Variants in PDE11A observed in about 807,000 individuals in gnomAD.
PDE11A encodes phosphodiesterase 11A.
In PDE11A, 100 loss-of-function variants were observed where a neutral mutation model predicts 100.5. The ratio of observed to expected loss-of-function variants is 1.00; its 90% CI spans 0.85 to 1.18. The LOEUF is 1.18. Among genes scored for constraint, PDE11A ranks in the 50% most tolerant of loss-of-function variants. PDE11A has a pLI of 0.00. For synonymous variants in PDE11A, 381 were observed against 420.8 expected, an observed-to-expected ratio of 0.91 and a Z score of 1.16; for missense variants, 1,141 against 1,152.6, an observed-to-expected ratio of 0.99 and a Z score of 0.15.
At chr2:177,936,420 AG>A (rs2085272612) in intron 2 of PDE11A, among the ~76,000 whole-genome samples, 1 of 152,198 alleles carries the variant, frequency 6.6e-6, no homozygotes, top group Non-Finnish European at 1.5e-5. Flanking sequence ...TTTGGAACCA[AG>A]GCCAGAAAGC....
intron 2 of PDE11A, among the ~76,000 whole-genome samples, chr2:177,914,476 G>A (rs1397861936): frequency 2.0e-5 from 3 of 152,108 alleles, no homozygotes; most frequent in African/African-American, 7.2e-5. Context: ...TTTATAAGCA[G>A]GTTGACCTAC....
intron 10 of PDE11A, among the ~76,000 whole-genome samples, chr2:177,738,517 C>G (rs2081826410): frequency 6.6e-6 from 1 of 152,206 alleles, no homozygotes; most frequent in Admixed American, 6.5e-5. Flanking sequence ...CCAGCATGAT[C>G]TTTCTGGCTC....
intron 1 of PDE11A, among the ~76,000 whole-genome samples, chr2:178,049,540 A>C (rs765584425): frequency 3.9e-5 from 6 of 152,198 alleles, no homozygotes; most frequent in Non-Finnish European, 5.9e-5. Flanking sequence ...CATGAGCCGA[A>C]GCAGGGCAAG....
chr2:178,059,831 C>T (rs2086944580), intron 1 of PDE11A, among the ~76,000 whole-genome samples: 1 of 152,138 alleles, frequency 6.6e-6, no homozygotes, highest in African/African-American at 2.4e-5. Context: ...AAATCATGAC[C>T]TGCTGGAGAG....
chr2:177,943,675 A>G (rs1324606992), intron 2 of PDE11A, among the ~76,000 whole-genome samples: 2 of 152,080 alleles, frequency 1.3e-5, no homozygotes, highest in African/African-American at 2.4e-5. Flanking sequence ...TCTGTTCTAT[A>G]TGTTGCCTTT....
At chr2:178,103,786 T>A (rs188090114) in intron 2 of PDE11A, among the ~76,000 whole-genome samples, 17 of 152,160 alleles carry the variant, frequency 1.1e-4, no homozygotes, top group Admixed American at 2.0e-4. Context: ...GATGTACACA[T>A]ATAAATCTCC....
At chr2:177,720,244 G>C (rs1441012029) in intron 12 of PDE11A, among the ~76,000 whole-genome samples, 1 of 152,170 alleles carries the variant, frequency 6.6e-6, no homozygotes, top group Non-Finnish European at 1.5e-5. Context: ...ATATTGAGCA[G>C]AGGACTATCT....
rs2082833221 is a variant in PDE11A, at chr2:177,804,190, A to G, written c.1737+12639T>C. On this transcript the variant is annotated intron_variant, in intron 9 of 19. Coordinates refer to ENST00000286063, the MANE Select transcript of PDE11A (RefSeq NM_016953.4). ...CAAACAACCCACAGAATGGGCAAAA[A>G]GTTTCCAAATTATGCATCTGACAAA... Among the ~76,000 whole-genome samples the G allele has an allele frequency of 2.6e-5, 4 of 152,036 alleles. No individual in the cohort carries two copies. In the South Asian group the frequency reaches 8.3e-4, roughly 31 times the overall value.
At chr2:177,859,980 C>A (rs1334854523) in intron 5 of PDE11A, among the ~76,000 whole-genome samples, 1 of 151,710 alleles carries the variant, frequency 6.6e-6, no homozygotes, top group East Asian at 1.9e-4. Context: ...AAATGTATGG[C>A]TATAAATGCT....
rs754548452 is a variant in PDE11A, at chr2:177,627,103, G to T, written c.*2304C>A. ...GGCTGGAGGGCAGTGACGTGATCTC[G>T]ACTCACTGCAAGCTCCGCCTCGCGG... On this transcript the variant is annotated 3_prime_UTR_variant, in exon 20 of 20. Coordinates refer to ENST00000286063, the MANE Select transcript of PDE11A (RefSeq NM_016953.4). The T allele has an allele frequency of 8.3e-6, 1 of 120,994 alleles. No individual in the cohort carries two copies. The highest frequency in any genetic ancestry group is 1.6e-5 in the Non-Finnish European group (1 of 62,814). The allele number at this position is 120,994 out of a possible 1,614,324, so 7.5% of individuals were successfully genotyped here. A position where few individuals can be genotyped will look rare whatever the true frequency, so the allele number is the denominator to read the frequency against.
intron 4 of PDE11A, chr2:177,888,548 C>T (rs775842308): frequency 5.8e-6 from 1 of 173,690 alleles, no homozygotes; most frequent in Non-Finnish European, 1.1e-5. Flanking sequence ...TAACAAAACC[C>T]TTAAAGCAAA....
At chr2:177,674,591 A>G (rs1375505890) in intron 17 of PDE11A, among the ~76,000 whole-genome samples, 5 of 152,198 alleles carry the variant, frequency 3.3e-5, no homozygotes, top group African/African-American at 4.8e-5. Flanking sequence ...TGCAGCTGAG[A>G]TGCTTAATCA....
intron 1 of PDE11A, among the ~76,000 whole-genome samples, chr2:178,020,974 T>G (rs1271654454): frequency 8.0e-6 from 1 of 125,266 alleles, no homozygotes; most frequent in Non-Finnish European, 1.7e-5. Flanking sequence ...TGTGTGTGTG[T>G]GTTTGAGATG....
chr2:178,076,600 G>A (rs912107053), upstream of PDE11A, among the ~76,000 whole-genome samples: 2 of 152,148 alleles, frequency 1.3e-5, no homozygotes, highest in East Asian at 3.9e-4. Context: ...AAAGCCCAAT[G>A]AATTTCTGTC....
intron 6 of PDE11A, among the ~76,000 whole-genome samples, chr2:177,837,813 TA>T (rs1020200344): frequency 2.0e-5 from 3 of 152,192 alleles, no homozygotes; most frequent in Admixed American, 6.5e-5. Context: ...TTACTTTTGG[TA>T]AAGTTCAAAA....
At chr2:177,997,965 G>T (rs1328674182) in intron 2 of PDE11A, 11 of 1,206,588 alleles carry the variant, frequency 9.1e-6, no homozygotes, top group Admixed American at 3.4e-5. Flanking sequence ...AGATACCAAG[G>T]TTAGGGAGAA....
In PDE11A at chr2:177,939,916, G is replaced by T. The variant is rs775515189; in HGVS notation, c.1072-34729C>A. Among the ~76,000 whole-genome samples the T allele has an allele frequency of 6.6e-5, 10 of 152,250 alleles. No individual in the cohort carries two copies. In the South Asian group the frequency reaches 8.3e-4, roughly 13 times the overall value. On this transcript the variant is annotated intron_variant, in intron 2 of 19. Coordinates refer to ENST00000286063, the MANE Select transcript of PDE11A (RefSeq NM_016953.4). ...GCCAATCATAAGTGGACCTTGTTCT[G>T]AACAAATAAACTTATAAAATTTTAT... is the stretch of plus-strand genomic sequence containing the variant.
rs183611531 is a variant in PDE11A at position 177,754,698 on chromosome 2, A to C, written c.1788+14625T>G. The stretch of plus-strand genomic sequence containing the variant: ...CACTCTGTCCACTTAAAATATTTGC[A>C]TCCTGGTGGGAGGATAAGCACAGTC... On this transcript the variant is annotated intron_variant, in intron 10 of 19. Coordinates refer to ENST00000286063, the MANE Select transcript of PDE11A (RefSeq NM_016953.4). 1.5e-4 allele frequency among the ~76,000 whole-genome samples: 23 copies of C among 152,316 alleles called. No homozygotes were observed. In the East Asian group the frequency reaches 3.7e-3, roughly 24 times the overall value.
chr2:177,904,873 G>C (rs928628209), intron 3 of PDE11A, among the ~76,000 whole-genome samples: 3 of 152,052 alleles, frequency 2.0e-5, no homozygotes, highest in African/African-American at 7.2e-5. Flanking sequence ...TTTAAAAGAA[G>C]CTTGTACCCC....
Sources: allele counts gnomAD v4.1 joint callset (sites outside exome capture counted in the v4.1 genomes callset), GRCh38; gene constraint gnomAD v4.1.1; transcripts MANE v1.5; gene names NCBI Gene and HGNC (gene_info 2026-07-23, HGNC 2026-07-21).